MEOX2: variants seen among roughly 807,000 people sequenced by gnomAD.
MEOX2 encodes mesenchyme homeobox 2.
In MEOX2, 11 loss-of-function variants were observed where a neutral mutation model predicts 27.0. The ratio of observed to expected loss-of-function variants is 0.41; its 90% CI spans 0.26 to 0.68. The LOEUF (loss-of-function observed/expected upper bound fraction) is 0.68, where lower values mean the gene tolerates loss of function less well. MEOX2 is among the 30% of genes least tolerant of loss of function. The pLI, the probability that MEOX2 is intolerant of heterozygous loss-of-function variation, is 0.33. For missense variants in MEOX2, 436 were observed against 385.4 expected (o/e 1.13, Z -1.10); for synonymous variants, 189 against 155.4 (o/e 1.22, Z -1.61).
intron 1 of MEOX2, among the ~76,000 whole-genome samples, chr7:15,672,163 T>C (rs974957331): frequency 1.3e-5 from 2 of 152,216 alleles, no homozygotes; most frequent in Admixed American, 1.3e-4. Flanking sequence ...TTTTTTATTT[T>C]CAAATCACCA....
chr7:15,648,342 A>C (rs1271324227), intron 1 of MEOX2, among the ~76,000 whole-genome samples: 2 of 152,126 alleles, frequency 1.3e-5, no homozygotes, highest in African/African-American at 4.8e-5. Context: ...CTTTTTCCTT[A>C]AAATTGTAAC....
At chr7:15,636,601 A>T (rs1187322637) in intron 1 of MEOX2, among the ~76,000 whole-genome samples, 1 of 152,086 alleles carries the variant, frequency 6.6e-6, no homozygotes, top group Non-Finnish European at 1.5e-5. Context: ...TTTCCCAATT[A>T]GAGAGCATCT....
At chr7:15,627,791 A>G (rs928285334) in intron 1 of MEOX2, among the ~76,000 whole-genome samples, 1 of 147,430 alleles carries the variant, frequency 6.8e-6, no homozygotes, top group African/African-American at 2.5e-5. Context: ...TAAAAAGCAG[A>G]ACGTGAATCA....
intron 1 of MEOX2, among the ~76,000 whole-genome samples, chr7:15,631,569 G>C (rs565722001): frequency 2.0e-5 from 3 of 151,708 alleles, no homozygotes; most frequent in Non-Finnish European, 2.9e-5. Context: ...TTCAATTTAA[G>C]TTTATAGACT....
intron 1 of MEOX2, among the ~76,000 whole-genome samples, chr7:15,657,424 C>T (rs981389938): frequency 2.6e-4 from 40 of 152,090 alleles, no homozygotes; most frequent in African/African-American, 9.4e-4. Flanking sequence ...TTCTATGGTT[C>T]CATCTTCACA....
chr7:15,683,695 T>G (rs1405067628), intron 1 of MEOX2, among the ~76,000 whole-genome samples: 1 of 152,158 alleles, frequency 6.6e-6, no homozygotes, highest in Non-Finnish European at 1.5e-5. Context: ...AAAATTTTAT[T>G]TTCAATAAGT....
rs532691969 is a variant in MEOX2 at position 15,667,289 on chromosome 7, C to CAAAAAAAAAAAAAAAAAAAA, written c.517+18577_517+18596dup. On this transcript the variant is annotated intron_variant, in intron 1 of 2. Coordinates refer to ENST00000262041, the MANE Select transcript of MEOX2 (RefSeq NM_005924.5). ...CTGGCAACAGAGTGAGACTCTGTCT[C>CAAAAAAAAAAAAAAAAAAAA]AAAAAAAAAAAAAAAAAAAAAAAGT... 4.6e-4 allele frequency among the ~76,000 whole-genome samples: 19 copies of CAAAAAAAAAAAAAAAAAAAA among 40,974 alleles called. 2 individuals carry two copies. Among genetic ancestry groups the CAAAAAAAAAAAAAAAAAAAA allele is most frequent in the African/African-American group, 6.0e-4 (6 of 10,072 alleles). The allele number at this position is 40,974 out of a possible 152,430, so 26.9% of individuals were successfully genotyped here.
chr7:15,686,522 G>T lies in MEOX2; in HGVS notation c.-120C>A. On this transcript the variant is annotated 5_prime_UTR_variant, in exon 1 of 3. Coordinates refer to ENST00000262041, the MANE Select transcript of MEOX2 (RefSeq NM_005924.5). ...TTTTTTAACCTCCCAAAGCAATAGCGGTGCACTTCTGCAGAGCTCGGATAA... is the reference window on the plus strand; with the variant it reads ...TTTTTTAACCTCCCAAAGCAATAGCTGTGCACTTCTGCAGAGCTCGGATAA... 2 of 885,908 alleles carry T rather than the reference G, an allele frequency of 2.3e-6. No homozygotes were observed. The highest frequency in any genetic ancestry group is 3.4e-6 in the Non-Finnish European group (2 of 587,020). 54.9% of individuals were successfully genotyped at this position (885,908 alleles called of 1,614,324 possible). A position where few individuals can be genotyped will look rare whatever the true frequency, so the allele number is the denominator to read the frequency against.
chr7:15,650,708 G>T (rs971035678), intron 1 of MEOX2, among the ~76,000 whole-genome samples: 1 of 151,876 alleles, frequency 6.6e-6, no homozygotes, highest in Non-Finnish European at 1.5e-5. Context: ...AGTTTTTTTG[G>T]GGGGGAGACT....
intron 1 of MEOX2, among the ~76,000 whole-genome samples, chr7:15,631,190 A>G (rs1781395994): frequency 6.6e-6 from 1 of 151,780 alleles, no homozygotes. Flanking sequence ...AGGAATTTCC[A>G]TCGAGTTATA....
At chr7:15,682,792 A>AT (rs961361746) in intron 1 of MEOX2, among the ~76,000 whole-genome samples, 1 of 151,886 alleles carries the variant, frequency 6.6e-6, no homozygotes, top group Admixed American at 6.6e-5. Context: ...CTTTGTAGTG[A>AT]TTTTTTTCAG....
At chr7:15,661,724 C>T (rs1400763522) in intron 1 of MEOX2, among the ~76,000 whole-genome samples, 1 of 152,144 alleles carries the variant, frequency 6.6e-6, no homozygotes, top group African/African-American at 2.4e-5. Flanking sequence ...TAGGGCAGTG[C>T]TATATAGCCA....
chr7:15,630,686 A>G (rs1781387048), intron 1 of MEOX2, among the ~76,000 whole-genome samples: 2 of 152,048 alleles, frequency 1.3e-5, no homozygotes, highest in Non-Finnish European at 2.9e-5. Context: ...ATATTTCATT[A>G]TTTATTAACA....
At chr7:15,659,776 A>G (rs933507812) in intron 1 of MEOX2, among the ~76,000 whole-genome samples, 1 of 151,492 alleles carries the variant, frequency 6.6e-6, no homozygotes, top group South Asian at 2.1e-4. Flanking sequence ...AAAAAAAAAA[A>G]AAAAAGCAAA....
intron 1 of MEOX2, among the ~76,000 whole-genome samples, chr7:15,677,234 T>C (rs1378584934): frequency 6.6e-6 from 1 of 152,234 alleles, no homozygotes; most frequent in Non-Finnish European, 1.5e-5. Context: ...TACATAATTG[T>C]ACATTCATTG....
chr7:15,677,459 T>C (rs1389988831), intron 1 of MEOX2: 1 of 152,242 alleles, frequency 6.6e-6, no homozygotes, highest in East Asian at 1.9e-4. Flanking sequence ...CGGTTGACTC[T>C]TAGGGTTGCA....
At chr7:15,649,249 T>A (rs1426288002) in intron 1 of MEOX2, among the ~76,000 whole-genome samples, 2 of 152,090 alleles carry the variant, frequency 1.3e-5, no homozygotes, top group Non-Finnish European at 2.9e-5. Context: ...CAAGGTATTG[T>A]TTTAATAACT....
chr7:15,619,453 A>C (rs992936394), intron 2 of MEOX2, among the ~76,000 whole-genome samples: 3 of 152,152 alleles, frequency 2.0e-5, no homozygotes, highest in African/African-American at 7.2e-5. Context: ...TGAGAAACAA[A>C]AAGTGGAAAA....
chr7:15,631,020 T>A (rs77686454), intron 1 of MEOX2, among the ~76,000 whole-genome samples: 9,851 of 151,982 alleles, frequency 0.065, 386 homozygotes, highest in Middle Eastern at 0.13. Flanking sequence ...ATGTGTCGAT[T>A]ATACACTAAG....
Sources: allele counts gnomAD v4.1 joint callset (sites outside exome capture counted in the v4.1 genomes callset), GRCh38; gene constraint gnomAD v4.1.1; transcripts MANE v1.5; gene names NCBI Gene and HGNC (gene_info 2026-07-23, HGNC 2026-07-21).